Variants in DISC1 observed in about 807,000 individuals in gnomAD.
DISC1 encodes DISC1 scaffold protein.
Under a neutral mutation model 84.5 loss-of-function variants are expected in DISC1, and 57 were observed. The observed-to-expected ratio is 0.67, with a 90% CI of 0.55 to 0.84. The LOEUF is 0.84. DISC1 is among the 40% of genes least tolerant of loss of function. The probability of loss-of-function intolerance (pLI) is 0.00; values close to 1 mark genes in which losing one functional copy is unlikely to be tolerated. For synonymous variants in DISC1, 411 were observed against 415.2 expected (o/e 0.99, Z 0.12); for missense variants, 1,000 against 1,057.8 (o/e 0.95, Z 0.76).
chr1:231,905,147 C>G lies in DISC1; in HGVS notation c.1982-53681C>G, dbSNP rs74144187. 3.2e-3 allele frequency among the ~76,000 whole-genome samples: 491 copies of G among 152,274 alleles called. 2 individuals are homozygous for G. The highest frequency in any genetic ancestry group is 0.011 in the African/African-American group (459 of 41,550). On this transcript the variant is annotated intron_variant, in intron 9 of 12. Transcript: ENST00000439617. ...CGTTATCATCAGCAATGGGACAAGTCGAAGTCCTTAGCCACCACAGTAAGC... is the reference window on the plus strand; with the variant it reads ...CGTTATCATCAGCAATGGGACAAGTGGAAGTCCTTAGCCACCACAGTAAGC...
intron 11 of DISC1, among the ~76,000 whole-genome samples, chr1:232,024,038 T>TACAC (rs1011949819): frequency 2.1e-5 from 3 of 140,100 alleles, no homozygotes; most frequent in Non-Finnish European, 4.7e-5. Context: ...TACACACACA[T>TACAC]ATATATGTAT....
At chr1:231,931,546 A>G (rs796625750) in intron 9 of DISC1, among the ~76,000 whole-genome samples, 11 of 152,312 alleles carry the variant, frequency 7.2e-5, no homozygotes, top group African/African-American at 2.4e-4. Flanking sequence ...CCAGTCTGCT[A>G]AGAAGTGTGA....
intron 10 of DISC1, among the ~76,000 whole-genome samples, chr1:231,967,250 C>A (rs558754572): frequency 6.6e-6 from 1 of 152,246 alleles, no homozygotes; most frequent in African/African-American, 2.4e-5. Flanking sequence ...TGTGTCATGG[C>A]CAAAAGAGAC....
At chr1:231,827,206 T>C (rs1399223483) in intron 9 of DISC1, among the ~76,000 whole-genome samples, 1 of 152,120 alleles carries the variant, frequency 6.6e-6, no homozygotes, top group Non-Finnish European at 1.5e-5. Flanking sequence ...CAGGCTGGTC[T>C]TGAACTCCTG....
intron 9 of DISC1, among the ~76,000 whole-genome samples, chr1:231,921,209 C>A (rs925185687): frequency 6.6e-6 from 1 of 152,100 alleles, no homozygotes; most frequent in Non-Finnish European, 1.5e-5. Flanking sequence ...CCACTGCACC[C>A]GGCCAGCTGG....
chr1:231,960,720 T>C lies in DISC1; in HGVS notation c.2042+1832T>C, dbSNP rs558801369. Among the ~76,000 whole-genome samples, 8 of 152,314 alleles carry C rather than the reference T, an allele frequency of 5.3e-5. No individual in the cohort carries two copies. The East Asian group carries it at 1.4e-3, about 26-fold the overall frequency. ...AGTAAGCAATCAGTTCTGCTGCAGA[T>C]ACCAGCTGGGTGTCCTCTAACTCAT... On this transcript the variant is annotated intron_variant, in intron 10 of 12. Transcript: ENST00000439617.
chr1:231,699,718 G>A (rs2066163597), intron 2 of DISC1, among the ~76,000 whole-genome samples: 1 of 152,130 alleles, frequency 6.6e-6, no homozygotes, highest in Non-Finnish European at 1.5e-5. Flanking sequence ...TAAAACATAA[G>A]TCAGATCATG....
Position 231,630,359 on chromosome 1 carries a change from G to T in DISC1, c.67+3425G>T, listed in dbSNP as rs1389933226. Among the ~76,000 whole-genome samples, 1 of 151,854 alleles carries T rather than the reference G, an allele frequency of 6.6e-6. No homozygotes were observed. The highest frequency in any genetic ancestry group is 6.6e-5 in the Admixed American group (1 of 15,252). ...TCTTTTTTTAATTAAAAAAGATGGGGTCTCCTTATTTTGGCCAGATTGACC... is the reference window on the plus strand; with the variant it reads ...TCTTTTTTTAATTAAAAAAGATGGGTTCTCCTTATTTTGGCCAGATTGACC... On this transcript the variant is annotated intron_variant, in intron 1 of 12. Transcript: ENST00000439617. This position sits in a 1 kb window ranked among gnomAD's most constrained non-coding sequence, Gnocchi z 4.4.
At chr1:231,999,370 T>C (rs1666369347) in intron 10 of DISC1, among the ~76,000 whole-genome samples, 1 of 152,156 alleles carries the variant, frequency 6.6e-6, no homozygotes, top group Non-Finnish European at 1.5e-5. Flanking sequence ...AAAGATGACC[T>C]AGACCTGGAT....
At chr1:231,915,819 T>C (rs2089584018) in intron 9 of DISC1, among the ~76,000 whole-genome samples, 1 of 152,100 alleles carries the variant, frequency 6.6e-6, no homozygotes, top group South Asian at 2.1e-4. Context: ...CCCACTATTA[T>C]GTGGATGCAG....
intron 1 of DISC1, among the ~76,000 whole-genome samples, chr1:231,655,608 C>T (rs1472813605): frequency 6.6e-6 from 1 of 151,862 alleles, no homozygotes; most frequent in Non-Finnish European, 1.5e-5. Context: ...CTTTGGGTAC[C>T]TAGTCCAGTA....
intron 10 of DISC1, among the ~76,000 whole-genome samples, chr1:231,979,512 G>A (rs1317788537): frequency 6.6e-6 from 1 of 150,692 alleles, no homozygotes; most frequent in African/African-American, 2.4e-5. Context: ...ATATTACATG[G>A]TTTTACTTAA....
intron 3 of DISC1, among the ~76,000 whole-genome samples, chr1:231,744,039 G>C (rs537736804): frequency 6.6e-6 from 1 of 152,202 alleles, no homozygotes; most frequent in Non-Finnish European, 1.5e-5. Flanking sequence ...AAAATGACAA[G>C]CTTGTTGAAA....
At chr1:231,887,274 A>T (rs550137972) in intron 9 of DISC1, among the ~76,000 whole-genome samples, 1 of 152,238 alleles carries the variant, frequency 6.6e-6, no homozygotes. Flanking sequence ...CAGATGGACC[A>T]GCCATGTCTT....
At chr1:231,867,000 A>G (rs1032589221) in intron 9 of DISC1, among the ~76,000 whole-genome samples, 6 of 152,196 alleles carry the variant, frequency 3.9e-5, no homozygotes, top group African/African-American at 1.4e-4. Flanking sequence ...TTTAAAATAC[A>G]GAATAAAAAT....
At chr1:231,769,250 AC>A (rs199556465) in intron 5 of DISC1, among the ~76,000 whole-genome samples, 2 of 151,848 alleles carry the variant, frequency 1.3e-5, no homozygotes, top group Admixed American at 6.6e-5. Context: ...TGGTCCAGCC[AC>A]CCCCCCTTCT....
At position 231,741,528 on chromosome 1, in the gene DISC1, A is replaced by G. The variant is rs367742069; in HGVS notation, c.1118-8398A>G. Among the ~76,000 whole-genome samples, 25 of 152,326 alleles carry G rather than the reference A, an allele frequency of 1.6e-4. No homozygotes were observed. The East Asian group carries it at 2.7e-3, about 16-fold the overall frequency. Reference sequence around the variant, plus strand: ...GGTGCAGGTCACTATACAATGACCAACACTGTGTCATGGCGCCTCTTGTGT... The same window carrying G: ...GGTGCAGGTCACTATACAATGACCAGCACTGTGTCATGGCGCCTCTTGTGT... On this transcript the variant is annotated intron_variant, in intron 3 of 12. Coordinates refer to ENST00000439617, the MANE Select transcript of DISC1 (RefSeq NM_018662.3).
intron 10 of DISC1, among the ~76,000 whole-genome samples, chr1:231,973,779 G>A (rs989083264): frequency 2.6e-5 from 4 of 152,080 alleles, no homozygotes; most frequent in Non-Finnish European, 5.9e-5. Flanking sequence ...ATTGGGAGTG[G>A]GACATCCTTT....
intron 1 of DISC1, among the ~76,000 whole-genome samples, chr1:231,628,262 C>CT (rs2058428422): frequency 6.6e-6 from 1 of 152,142 alleles, no homozygotes; most frequent in Non-Finnish European, 1.5e-5. Flanking sequence ...TTTTCGGGCT[C>CT]TTTGACTTTG....
Sources: gnomAD v4.1 joint callset for allele counts (sites outside exome capture counted in the v4.1 genomes callset) on GRCh38, gnomAD v4.1.1 for gene constraint, Gnocchi (gnomAD v3.1) non-coding constraint, MANE v1.5 for transcripts, NCBI Gene and HGNC (gene_info 2026-07-23, HGNC 2026-07-21) for gene names.